The following UTRN variants were observed in gnomAD, a reference collection of about 807,000 sequenced individuals.
UTRN encodes utrophin, also known as dystrophin-related protein 1.
Under a neutral mutation model 463.9 loss-of-function variants are expected in UTRN, and 283 were observed. The observed-to-expected ratio is 0.61, with a 90% confidence interval of 0.55 to 0.67. The LOEUF is 0.67. UTRN is among the 30% of genes least tolerant of loss of function. The pLI is 0.00. For missense variants in UTRN, 3,922 were observed against 4,084.3 expected, an observed-to-expected ratio of 0.96 and a Z score of 1.08; for synonymous variants, 1,442 against 1,431.5, an observed-to-expected ratio of 1.01 and a Z score of -0.17.
intron 36 of UTRN, 30 bp from the exon 37 acceptor site, chr6:144,514,620 T>C: frequency 6.3e-7 from 1 of 1,595,220 alleles, no homozygotes. Context: ...ATTTTTCCCA[T>C]GAGATAATTT....
rs369995476 is a variant in UTRN, at chr6:144,523,130, C to T, written c.5848C>T (p.Leu1950Phe). 75 of 1,613,194 alleles carry T rather than the reference C, an allele frequency of 4.6e-5. No individual in the cohort carries two copies. The highest frequency in any genetic ancestry group is 2.0e-4 in the African/African-American group (15 of 74,856). ...GPEAIQIRDT[L>F]TQLNAKWDRI... Reference sequence around the variant, plus strand: ...TGAAGCCATTCAGATCAGAGATACACTTACTCAGCTGAATGCAAAATGGGA... The same window carrying T: ...TGAAGCCATTCAGATCAGAGATACATTTACTCAGCTGAATGCAAAATGGGA... The change falls in exon 41 of 75, where the codon CTT becomes TTT. Residue 1950 changes from leucine (L) to phenylalanine (F), a missense_variant. Around this residue, in one of 3 missense-constraint regions of UTRN, gnomAD observed 2,349 missense variants for 2,303.8 expected, o/e 1.02. Transcript: ENST00000367545.
At chr6:144,341,159 A>T (rs1777112222) in intron 2 of UTRN, among the ~76,000 whole-genome samples, 1 of 152,232 alleles carries the variant, frequency 6.6e-6, no homozygotes, top group Non-Finnish European at 1.5e-5. Flanking sequence ...AATAAATAAG[A>T]CAATGGATTA....
intron 44 of UTRN, 68 bp downstream of exon 44, chr6:144,537,785 C>A: frequency 2.6e-6 from 4 of 1,527,366 alleles, no homozygotes; most frequent in South Asian, 1.3e-5. Context: ...TCACATACTG[C>A]GTGTCTCAAG....
At chr6:144,510,271 A>G (rs72999722) in intron 34 of UTRN, among the ~76,000 whole-genome samples, 3,430 of 152,264 alleles carry the variant, frequency 0.023, 46 homozygotes, top group Non-Finnish European at 0.034. Context: ...TAATTCTGTG[A>G]CTATATACTT....
intron 50 of UTRN, among the ~76,000 whole-genome samples, chr6:144,565,421 A>C (rs1800315743): frequency 6.6e-6 from 1 of 152,182 alleles, no homozygotes. Flanking sequence ...GAGGTTGAAC[A>C]TGTGGGACTG....
chr6:144,586,637 G>C (rs1351986555), intron 51 of UTRN, among the ~76,000 whole-genome samples: 1 of 152,032 alleles, frequency 6.6e-6, no homozygotes. Context: ...GATTAGAACT[G>C]GGTTATTTGT....
chr6:144,514,127 C>G (rs1243822197), intron 36 of UTRN, 90 bp downstream of exon 36: 2 of 1,506,628 alleles, frequency 1.3e-6, no homozygotes, highest in African/African-American at 2.8e-5. Context: ...TTACTTAGCT[C>G]TCATTCCTCC....
At position 144,444,268 on chromosome 6, in the gene UTRN, C is replaced by G. The variant is rs1787449175; in HGVS notation, c.1513-13C>G. 2 of 1,602,388 alleles carry G rather than the reference C, an allele frequency of 1.2e-6. No individual in the cohort carries two copies. Among genetic ancestry groups the G allele is most frequent in the East Asian group, 4.5e-5 (2 of 44,368 alleles). Reference sequence around the variant, plus strand: ...AGGCTGTGTTGACAAAGGATGGTTTCTCCTTTTTCTAGAAACTTGGTGAGC... The same window carrying G: ...AGGCTGTGTTGACAAAGGATGGTTTGTCCTTTTTCTAGAAACTTGGTGAGC... On this transcript the variant is annotated splice_polypyrimidine_tract_variant and intron_variant, in intron 13 of 74. Coordinates refer to ENST00000367545, the MANE Select transcript of UTRN (RefSeq NM_007124.3).
chr6:144,455,217 T>A (rs1481453278), intron 19 of UTRN, among the ~76,000 whole-genome samples: 1 of 152,200 alleles, frequency 6.6e-6, no homozygotes, highest in Admixed American at 6.5e-5. Flanking sequence ...CCATTTATTA[T>A]TAATAAATGT....
intron 35 of UTRN, among the ~76,000 whole-genome samples, chr6:144,512,381 T>C (rs1478360782): frequency 6.6e-6 from 1 of 152,166 alleles, no homozygotes; most frequent in Non-Finnish European, 1.5e-5. Flanking sequence ...TTTACCTGCT[T>C]AATAGGGGTA....
At chr6:144,476,843 C>G (rs766931099) in intron 25 of UTRN, among the ~76,000 whole-genome samples, 4 of 152,062 alleles carry the variant, frequency 2.6e-5, no homozygotes, top group Non-Finnish European at 4.4e-5. Context: ...AACTGAGGAG[C>G]TGGGACACCA....
intron 56 of UTRN, among the ~76,000 whole-genome samples, chr6:144,753,700 CAAAAAAA>C (rs559496930): frequency 2.8e-5 from 3 of 107,522 alleles, no homozygotes; most frequent in East Asian, 5.2e-4. Flanking sequence ...TTGTCTCTAC[CAAAAAAA>C]AAAAAAAAAA....
chr6:144,705,431 TGAAGGCGGA>T (rs1784991273), intron 53 of UTRN, among the ~76,000 whole-genome samples: 1 of 152,190 alleles, frequency 6.6e-6, no homozygotes, highest in African/African-American at 2.4e-5. Context: ...CTTACAGTTC[TGAAGGCGGA>T]GAAGTTCAAG....
intron 71 of UTRN, among the ~76,000 whole-genome samples, chr6:144,838,559 A>T (rs901421370): frequency 1.2e-4 from 19 of 152,194 alleles, no homozygotes; most frequent in Non-Finnish European, 2.1e-4. Context: ...GCCTTTACGA[A>T]GTATTTACTA....
At chr6:144,744,314 A>ATGTG (rs1351714940) in intron 54 of UTRN, among the ~76,000 whole-genome samples, 2 of 121,374 alleles carry the variant, frequency 1.6e-5, no homozygotes, top group East Asian at 5.4e-4. Flanking sequence ...ACATATATAT[A>ATGTG]TATATATGTG....
At chr6:144,360,075 CCCTTCCCTTCCCTT>C (rs1562292289) in intron 2 of UTRN, among the ~76,000 whole-genome samples, 152 of 94,632 alleles carry the variant, frequency 1.6e-3, no homozygotes, top group African/African-American at 8.9e-3. Context: ...CCCTTCCCTT[CCCTTCCCTTCCCTT>C]CCCTCCCCTC....
chr6:144,758,762 C>G (rs1373467198), intron 58 of UTRN, among the ~76,000 whole-genome samples: 1 of 152,018 alleles, frequency 6.6e-6, no homozygotes, highest in African/African-American at 2.4e-5. Context: ...TAATTTACAA[C>G]GTGCTCTAGT....
chr6:144,774,233 A>T, intron 59 of UTRN, 57 bp from the exon 60 acceptor site: 1 of 1,453,160 alleles, frequency 6.9e-7, no homozygotes. Flanking sequence ...CATTCTGGGC[A>T]TTCAATATAT....
chr6:144,326,728 C>T (rs1451880663), intron 2 of UTRN, among the ~76,000 whole-genome samples: 1 of 152,160 alleles, frequency 6.6e-6, no homozygotes, highest in Admixed American at 6.5e-5. Flanking sequence ...TGCTCTTCTC[C>T]ATCACTTGCA....
Sources: allele counts gnomAD v4.1 joint callset (sites outside exome capture counted in the v4.1 genomes callset), GRCh38; gene constraint gnomAD v4.1.1; regional missense constraint gnomAD v4.1.1; transcripts MANE v1.5; gene names NCBI Gene and HGNC (gene_info 2026-07-23, HGNC 2026-07-21).